CELF2: variants seen among roughly 807,000 people sequenced by gnomAD.
CELF2 encodes CUGBP Elav-like family member 2, also known as CUG triplet repeat RNA-binding protein 2.
Under a neutral mutation model 62.6 loss-of-function variants are expected in CELF2, and 8 were observed. The observed-to-expected ratio is 0.13, with a 90% confidence interval of 0.07 to 0.23. CELF2 has a LOEUF of 0.23. CELF2 is among the 10% of genes least tolerant of loss of function. CELF2 has a pLI of 1.00. For missense variants in CELF2, 333 were observed against 671.0 expected (o/e 0.50, Z 5.56); for synonymous variants, 258 against 250.0 (o/e 1.03, Z -0.30).
rs2095845546 is a variant in CELF2 at position 11,328,015 on chromosome 10, A to G, written c.1439-911A>G. The stretch of plus-strand genomic sequence containing the variant: ...CTATACCTCTGCTGCTGCCTCCCCC[A>G]GTGCTGGAACAGACTCTGGGACCAA... On this transcript the variant is annotated intron_variant, in intron 12 of 12. Transcript: ENST00000633077. This position sits in a 1 kb window ranked among gnomAD's most constrained non-coding sequence, Gnocchi z 6.4. Among the ~76,000 whole-genome samples, 1 of 152,134 alleles carries G rather than the reference A, an allele frequency of 6.6e-6. No homozygotes were observed. The highest frequency in any genetic ancestry group is 2.4e-5 in the African/African-American group (1 of 41,420).
rs1057238464 is a variant in CELF2 at position 10,931,368 on chromosome 10, T to TG, written c.89+11375dup. On this transcript the variant is annotated intron_variant, in intron 2 of 13. Coordinates refer to the CELF2 transcript ENST00000636488. The surrounding 1 kb of genome is among the most constrained non-coding windows in gnomAD (Gnocchi z 6.1). The stretch of plus-strand genomic sequence containing the variant: ...CTCTGCTTGTCATGCTGGCTGGGGG[T>TG]GGGGGGTGTAACTTTAAGGAATAAT... Among the ~76,000 whole-genome samples, 6 of 151,508 alleles carry TG rather than the reference T, an allele frequency of 4.0e-5. No individual in the cohort carries two copies. The highest frequency in any genetic ancestry group is 1.9e-4 in the East Asian group (1 of 5,148).
At chr10:10,528,003 C>T in the CELF2 span, among the ~76,000 whole-genome samples, 35,030 of 152,066 alleles carry the variant, frequency 0.23, 5,062 homozygotes, top group Non-Finnish European at 0.33. Context: ...AAATGACCTA[C>T]CCAAGATCAC....
intron 1 of CELF2, among the ~76,000 whole-genome samples, chr10:11,028,243 G>A (rs2059549007): frequency 6.6e-6 from 1 of 152,094 alleles, no homozygotes; most frequent in East Asian, 1.9e-4. Context: ...TGGGGGGGAA[G>A]CAAAGGCAGT....
intron 4 of CELF2, among the ~76,000 whole-genome samples, chr10:11,252,594 G>T (rs757339947): frequency 5.9e-5 from 9 of 152,194 alleles, no homozygotes; most frequent in Non-Finnish European, 1.3e-4. Context: ...GTTAGGTTGC[G>T]CTCAGATCAG....
intron 1 of CELF2, among the ~76,000 whole-genome samples, chr10:10,872,026 G>T (rs529465468): frequency 5.3e-5 from 8 of 152,188 alleles, no homozygotes; most frequent in African/African-American, 1.9e-4. Flanking sequence ...ATTCTATCCT[G>T]TCCTTTAATT....
intron 5 of CELF2, among the ~76,000 whole-genome samples, chr10:11,265,083 A>G (rs1410935948): frequency 6.6e-6 from 1 of 152,260 alleles, no homozygotes. Context: ...CTGTTGGATT[A>G]AAAGGTGCCG....
the CELF2 span, among the ~76,000 whole-genome samples, chr10:10,566,465 T>C: frequency 4.0e-5 from 6 of 151,066 alleles, no homozygotes; most frequent in East Asian, 9.8e-4. Flanking sequence ...ATGTGCACAT[T>C]GTGCAGGTTA....
intron 1 of CELF2, among the ~76,000 whole-genome samples, chr10:11,058,467 T>C (rs2065882786): frequency 6.9e-6 from 1 of 144,956 alleles, no homozygotes; most frequent in Admixed American, 6.8e-5. Context: ...GTTGGTTTTT[T>C]TTTTTTTTTT....
rs2074857795 is a variant in CELF2, at chr10:11,244,066, C to G, written c.355-5087C>G. ...GCATGTGCAGGGCACAGCATGAGAT[C>G]CTGCCTCCAGCCCCATCTAGCTCTG... On this transcript the variant is annotated intron_variant, in intron 3 of 12. Coordinates refer to ENST00000633077, the MANE Select transcript of CELF2 (RefSeq NM_001326342.2). This position sits in a 1 kb window ranked among gnomAD's most constrained non-coding sequence, Gnocchi z 4.2. Among the ~76,000 whole-genome samples, 1 of 152,214 alleles carries G rather than the reference C, an allele frequency of 6.6e-6. No homozygotes were observed. Among genetic ancestry groups the G allele is most frequent in the Non-Finnish European group, 1.5e-5 (1 of 68,032 alleles).
At chr10:11,158,027 TCTTCA>T (rs891168018) in intron 1 of CELF2, among the ~76,000 whole-genome samples, 4 of 152,216 alleles carry the variant, frequency 2.6e-5, no homozygotes, top group African/African-American at 9.7e-5. Context: ...TAAAAATCAT[TCTTCA>T]TCTTGGGAAG....
the CELF2 span, among the ~76,000 whole-genome samples, chr10:10,675,511 G>T: frequency 6.6e-6 from 1 of 151,972 alleles, no homozygotes; most frequent in East Asian, 1.9e-4. Flanking sequence ...TCTGTGGTTT[G>T]GTGTCTGACA....
chr10:10,977,335 C>T (rs1462876777), intron 2 of CELF2, among the ~76,000 whole-genome samples: 3 of 152,106 alleles, frequency 2.0e-5, no homozygotes, highest in African/African-American at 7.2e-5. Context: ...ACGATGTTTG[C>T]CAGTTATTTC....
intron 1 of CELF2, among the ~76,000 whole-genome samples, chr10:11,135,524 A>G (rs934941249): frequency 3.3e-5 from 5 of 152,242 alleles, no homozygotes; most frequent in South Asian, 2.1e-4. Context: ...AAGCAATTGT[A>G]TCAATGCCTA....
At chr10:10,874,326 T>C (rs1199962090) in intron 1 of CELF2, among the ~76,000 whole-genome samples, 1 of 151,778 alleles carries the variant, frequency 6.6e-6, no homozygotes, top group Non-Finnish European at 1.5e-5. Flanking sequence ...TGACTCTGTC[T>C]CTTAAAAGAA....
At chr10:10,873,976 C>T (rs1205586687) in intron 1 of CELF2, among the ~76,000 whole-genome samples, 1 of 152,124 alleles carries the variant, frequency 6.6e-6, no homozygotes, top group African/African-American at 2.4e-5. Flanking sequence ...TGTATTTGCC[C>T]TATATCTAGT....
At chr10:10,621,855 C>T in the CELF2 span, among the ~76,000 whole-genome samples, 1 of 152,102 alleles carries the variant, frequency 6.6e-6, no homozygotes, top group Non-Finnish European at 1.5e-5. Flanking sequence ...AGCACCCTTC[C>T]ACCAGATATC....
rs1591572290 is a variant in CELF2 at position 10,888,574 on chromosome 10, T to C, written c.54-31390T>C. On this transcript the variant is annotated intron_variant, in intron 1 of 13. Transcript: ENST00000636488. Reference sequence around the variant, plus strand: ...GTAACGAAAAAACCAAGACATTCCTTGTCCAGCCTCATTCAGCAACTATTC... The same window carrying C: ...GTAACGAAAAAACCAAGACATTCCTCGTCCAGCCTCATTCAGCAACTATTC... Among the ~76,000 whole-genome samples the C allele has an allele frequency of 2.6e-5, 4 of 152,204 alleles. No individual in the cohort carries two copies. The East Asian group carries it at 5.8e-4, about 22-fold the overall frequency.
At chr10:11,263,909 C>T (rs1200917087) in intron 5 of CELF2, among the ~76,000 whole-genome samples, 1 of 152,216 alleles carries the variant, frequency 6.6e-6, no homozygotes, top group Non-Finnish European at 1.5e-5. Context: ...TTGACTTCAT[C>T]CCGAGTGACA....
At chr10:10,645,237 C>G in the CELF2 span, among the ~76,000 whole-genome samples, 1 of 152,152 alleles carries the variant, frequency 6.6e-6, no homozygotes, top group Non-Finnish European at 1.5e-5. Flanking sequence ...GGAGAAGCAC[C>G]ATTCACTTTC....
Sources: gnomAD v4.1 joint callset for allele counts (sites outside exome capture counted in the v4.1 genomes callset) on GRCh38, gnomAD v4.1.1 for gene constraint, Gnocchi (gnomAD v3.1) non-coding constraint, MANE v1.5 for transcripts, NCBI Gene and HGNC (gene_info 2026-07-23, HGNC 2026-07-21) for gene names.